Variants in PACRG observed in about 807,000 individuals in gnomAD.
The protein encoded by PACRG is parkin coregulated gene protein.
PACRG carries 29 observed loss-of-function variants against 29.7 expected under a neutral mutation model. The observed-to-expected ratio is 0.98, with a 90% confidence interval of 0.73 to 1.33. The LOEUF (loss-of-function observed/expected upper bound fraction) is 1.33. Ranked by LOEUF, PACRG falls within the 40% of genes most tolerant of loss-of-function variation. The pLI is 0.00. For missense variants in PACRG, 279 were observed against 316.2 expected, an observed-to-expected ratio of 0.88 and a Z score of 0.89; for synonymous variants, 116 against 118.7, an observed-to-expected ratio of 0.98 and a Z score of 0.15.
intron 4 of PACRG, among the ~76,000 whole-genome samples, chr6:163,280,435 A>T (rs995652952): frequency 6.6e-6 from 1 of 152,230 alleles, no homozygotes; most frequent in African/African-American, 2.4e-5. Context: ...AGGCACACAC[A>T]GAGCCAGGCA....
At chr6:162,757,224 G>A (rs1214996513) in intron 1 of PACRG, among the ~76,000 whole-genome samples, 1 of 151,952 alleles carries the variant, frequency 6.6e-6, no homozygotes, top group Non-Finnish European at 1.5e-5. Flanking sequence ...CTAATATTTT[G>A]TTTGTGAATT....
At chr6:162,971,781 G>A (rs562228225) in intron 2 of PACRG, among the ~76,000 whole-genome samples, 96 of 152,308 alleles carry the variant, frequency 6.3e-4, no homozygotes, top group African/African-American at 2.2e-3. Context: ...AAGGATCTCT[G>A]CGATCAAGCC....
chr6:162,872,132 T>C (rs1792876102), intron 2 of PACRG, among the ~76,000 whole-genome samples: 4 of 152,090 alleles, frequency 2.6e-5, no homozygotes, highest in African/African-American at 7.2e-5. Flanking sequence ...GAGAGGGAAG[T>C]TCAGAGCTTG....
intron 2 of PACRG, among the ~76,000 whole-genome samples, chr6:162,944,430 C>T (rs1303867263): frequency 2.0e-5 from 3 of 152,078 alleles, no homozygotes; most frequent in Non-Finnish European, 2.9e-5. Flanking sequence ...GGAACTATGA[C>T]ACCTCAAAAG....
intron 3 of PACRG, among the ~76,000 whole-genome samples, chr6:163,071,598 A>G (rs1472148063): frequency 6.6e-6 from 1 of 152,004 alleles, no homozygotes. Flanking sequence ...AAAACTTGAA[A>G]TAAATAACCT....
At position 162,989,011 on chromosome 6, in the gene PACRG, A is replaced by T. The variant is rs191077401; in HGVS notation, c.292-73139A>T. ...AGCATGTATTAGTTATGCGACGAAA[A>T]AATTCAATATACTTTTTAAATAGCC... On this transcript the variant is annotated intron_variant, in intron 2 of 4. Coordinates refer to ENST00000366888, the MANE Select transcript of PACRG (RefSeq NM_001080379.2). Among the ~76,000 whole-genome samples, 5 of 152,160 alleles carry T rather than the reference A, an allele frequency of 3.3e-5. No individual in the cohort carries two copies. The East Asian group carries it at 9.7e-4, about 29-fold the overall frequency.
chr6:163,227,244 A>G lies in PACRG; in HGVS notation c.614-87583A>G, dbSNP rs527506406. ...TCACGATAGAGGGCGAAGTAGGAGC[A>G]CGCACATCACAAGATGAAAGCAGGA... On this transcript the variant is annotated intron_variant, in intron 4 of 4. Coordinates refer to ENST00000366888, the MANE Select transcript of PACRG (RefSeq NM_001080379.2). Among the ~76,000 whole-genome samples, 122 of 152,266 alleles carry G rather than the reference A, an allele frequency of 8.0e-4. 2 individuals are homozygous for G. Among genetic ancestry groups the G allele is most frequent in the Non-Finnish European group, 1.4e-3 (94 of 68,016 alleles).
intron 2 of PACRG, among the ~76,000 whole-genome samples, chr6:162,835,477 A>G (rs1789142014): frequency 6.6e-6 from 1 of 152,160 alleles, no homozygotes; most frequent in South Asian, 2.1e-4. Context: ...CACACCTTCA[A>G]GTATAAGAAG....
At chr6:163,260,238 A>C (rs981839179) in intron 4 of PACRG, among the ~76,000 whole-genome samples, 1 of 152,200 alleles carries the variant, frequency 6.6e-6, no homozygotes, top group Non-Finnish European at 1.5e-5. Flanking sequence ...GATCGCTGGC[A>C]TGGGCTCTGC....
At chr6:163,027,261 C>T (rs1021949756) in intron 2 of PACRG, among the ~76,000 whole-genome samples, 8 of 152,150 alleles carry the variant, frequency 5.3e-5, no homozygotes, top group African/African-American at 1.7e-4. Flanking sequence ...GTTTGCAGAA[C>T]GTTTTTTTCC....
At chr6:163,284,904 T>A (rs1351040204) in intron 4 of PACRG, among the ~76,000 whole-genome samples, 3 of 152,208 alleles carry the variant, frequency 2.0e-5, no homozygotes, top group Non-Finnish European at 4.4e-5. Flanking sequence ...TTCTAGCTGT[T>A]TTTTAATTTT....
At chr6:163,160,191 CT>C (rs1219770935) in intron 4 of PACRG, among the ~76,000 whole-genome samples, 1 of 152,142 alleles carries the variant, frequency 6.6e-6, no homozygotes, top group Non-Finnish European at 1.5e-5. Context: ...GATGAGGTTT[CT>C]TAATTTTGAC....
intron 1 of PACRG, among the ~76,000 whole-genome samples, chr6:162,802,799 AT>A (rs1264813032): frequency 6.6e-6 from 1 of 152,114 alleles, no homozygotes; most frequent in Non-Finnish European, 1.5e-5. Flanking sequence ...AACAAAAAAA[AT>A]GGTCTCTCTC....
At chr6:162,947,439 AATAT>A (rs1259484501) in intron 2 of PACRG, among the ~76,000 whole-genome samples, 1 of 52,882 alleles carries the variant, frequency 1.9e-5, no homozygotes, top group African/African-American at 5.6e-5. Flanking sequence ...ATATATATAA[AATAT>A]ATATAATCAT....
At chr6:162,772,370 G>T (rs1584304308) in intron 1 of PACRG, among the ~76,000 whole-genome samples, 2 of 152,094 alleles carry the variant, frequency 1.3e-5, no homozygotes, top group African/African-American at 4.8e-5. Context: ...GTGCAATAAA[G>T]GGTTACAAGA....
chr6:162,959,081 CTTT>C (rs754915768), intron 2 of PACRG, among the ~76,000 whole-genome samples: 2 of 105,566 alleles, frequency 1.9e-5, no homozygotes. Context: ...GCCTGGCTAA[CTTT>C]TTTTTTTTTT....
rs199678219 is a variant in PACRG, at chr6:163,041,336, CA to C, written c.292-20805del. Among the ~76,000 whole-genome samples, 49 of 149,248 alleles carry C rather than the reference CA, an allele frequency of 3.3e-4. 2 individuals are homozygous for C. The East Asian group carries it at 8.2e-3, about 25-fold the overall frequency. On this transcript the variant is annotated intron_variant, in intron 2 of 4. Coordinates refer to ENST00000366888, the MANE Select transcript of PACRG (RefSeq NM_001080379.2). ...TGGGTGACAGAGCAAGACTCTGTCT[CA>C]AAAAAAAATAAAAATAAAAAATAAT...
At chr6:163,057,519 A>C (rs1422609578) in intron 2 of PACRG, among the ~76,000 whole-genome samples, 1 of 152,102 alleles carries the variant, frequency 6.6e-6, no homozygotes, top group East Asian at 1.9e-4. Context: ...GAGCTCAAGC[A>C]ATCCTCCCAT....
At chr6:162,833,496 T>G (rs1415064646) in intron 2 of PACRG, among the ~76,000 whole-genome samples, 1 of 152,204 alleles carries the variant, frequency 6.6e-6, no homozygotes, top group Non-Finnish European at 1.5e-5. Context: ...AAAAACAATA[T>G]GCTAATTATT....
Sources: gnomAD v4.1 joint callset for allele counts (sites outside exome capture counted in the v4.1 genomes callset) on GRCh38, gnomAD v4.1.1 for gene constraint, MANE v1.5 for transcripts, NCBI Gene and HGNC (gene_info 2026-07-23, HGNC 2026-07-21) for gene names.